ALOX5AP: variants seen among roughly 807,000 people sequenced by gnomAD.
ALOX5AP encodes arachidonate 5-lipoxygenase activating protein, also known as arachidonate 5-lipoxygenase-activating protein.
ALOX5AP carries 9 observed loss-of-function variants against 18.5 expected under a neutral mutation model. That is an observed-to-expected ratio of 0.49 (90% CI 0.29 to 0.85). ALOX5AP has a LOEUF of 0.85. ALOX5AP is among the 40% of genes least tolerant of loss of function. The pLI is 0.08. For synonymous variants in ALOX5AP, 81 were observed against 78.6 expected (o/e 1.03, Z -0.16); for missense variants, 172 against 202.5 (o/e 0.85, Z 0.91).
In ALOX5AP at chr13:30,763,947, C is replaced by T; in HGVS notation, c.327C>T (p.Thr109=). 6.2e-7 allele frequency: 1 copy of T among 1,613,444 alleles called. No individual in the cohort carries two copies. Among genetic ancestry groups the T allele is most frequent in the South Asian group, 1.1e-5 (1 of 90,882 alleles). ...TTTCTTTTTCCTTCTCTTCCAGCAC[C>T]CCTGGCTACATATTTGGGAAACGCA... The part of the protein sequence containing the change: ...VGYLGERTQS[T]PGYIFGKRII... Residue 109 remains threonine (T), a synonymous_variant, in exon 5 of 5, where the codon ACC becomes ACT. Transcript: ENST00000380490.
intron 2 of ALOX5AP, among the ~76,000 whole-genome samples, chr13:30,746,911 A>T (rs1313476804): frequency 6.6e-6 from 1 of 152,368 alleles, no homozygotes; most frequent in African/African-American, 2.4e-5. Context: ...GAAAAACAGC[A>T]TGAAGGATAA....
At chr13:30,760,758 A>T (rs1951934973) in intron 4 of ALOX5AP, among the ~76,000 whole-genome samples, 1 of 152,174 alleles carries the variant, frequency 6.6e-6, no homozygotes, top group African/African-American at 2.4e-5. Context: ...CCCCCATAGG[A>T]TGGCTGTGAG....
At chr13:30,734,062 G>A (rs886110035), upstream of ALOX5AP, among the ~76,000 whole-genome samples, 1 of 152,162 alleles carries the variant, frequency 6.6e-6, no homozygotes, top group Non-Finnish European at 1.5e-5. Context: ...GTGTCCATGA[G>A]CATGTGAACC....
chr13:30,753,587 A>AT (rs976203771), intron 3 of ALOX5AP, among the ~76,000 whole-genome samples: 32 of 152,198 alleles, frequency 2.1e-4, no homozygotes, highest in Admixed American at 1.1e-3. Context: ...AGACTGTAGA[A>AT]TTTTTTTTAG....
At chr13:30,741,168 G>A (rs976215650) in intron 1 of ALOX5AP, among the ~76,000 whole-genome samples, 29 of 116,084 alleles carry the variant, frequency 2.5e-4, no homozygotes, top group Non-Finnish European at 4.2e-4. Flanking sequence ...TGTCGCCCTG[G>A]CTGGAGTACA....
intron 1 of ALOX5AP, among the ~76,000 whole-genome samples, chr13:30,723,215 T>C (rs1951607750): frequency 6.6e-6 from 1 of 152,218 alleles, no homozygotes; most frequent in Non-Finnish European, 1.5e-5. Context: ...ATCCAACAAC[T>C]CATTGCTAAG....
chr13:30,719,080 G>A (rs745310349), intron 1 of ALOX5AP, among the ~76,000 whole-genome samples: 23 of 152,184 alleles, frequency 1.5e-4, no homozygotes, highest in Non-Finnish European at 3.1e-4. Context: ...CACTGACCGG[G>A]TCTGAGTCCT....
intron 1 of ALOX5AP, among the ~76,000 whole-genome samples, chr13:30,725,653 A>G (rs979996301): frequency 4.6e-5 from 7 of 152,230 alleles, no homozygotes; most frequent in Admixed American, 6.5e-5. Context: ...TCTTCCCTGG[A>G]ATAGACATTT....
chr13:30,725,398 C>G (rs990985621), intron 1 of ALOX5AP, among the ~76,000 whole-genome samples: 53 of 152,390 alleles, frequency 3.5e-4, no homozygotes, highest in African/African-American at 1.2e-3. Context: ...CAGCTAGTCT[C>G]TTTCCCCAGC....
chr13:30,749,458 G>A (rs1951834972), intron 2 of ALOX5AP, among the ~76,000 whole-genome samples: 1 of 152,140 alleles, frequency 6.6e-6, no homozygotes, highest in Admixed American at 6.5e-5. Context: ...TTTTCTCTAA[G>A]TTTCTTGAAC....
chr13:30,732,884 G>A (rs1016953424), upstream of ALOX5AP, among the ~76,000 whole-genome samples: 4 of 151,984 alleles, frequency 2.6e-5, no homozygotes, highest in African/African-American at 9.7e-5. Context: ...GGCCGGGCGC[G>A]GTGGCTCACG....
intron 1 of ALOX5AP, among the ~76,000 whole-genome samples, chr13:30,722,874 C>T (rs902300385): frequency 6.6e-6 from 1 of 152,218 alleles, no homozygotes; most frequent in Non-Finnish European, 1.5e-5. Flanking sequence ...ACCTTGTAAT[C>T]TCTACAAGCT....
At chr13:30,727,313 G>T (rs924789469) in intron 1 of ALOX5AP, among the ~76,000 whole-genome samples, 5 of 151,768 alleles carry the variant, frequency 3.3e-5, no homozygotes, top group Admixed American at 3.3e-4. Flanking sequence ...CAAAGTGCTA[G>T]GATTACAGGT....
intron 1 of ALOX5AP, among the ~76,000 whole-genome samples, chr13:30,740,733 C>T (rs192177779): frequency 2.6e-4 from 39 of 152,080 alleles, no homozygotes; most frequent in Admixed American, 2.6e-4. Context: ...GTGCGTGTTT[C>T]CAGGATAAAG....
In ALOX5AP at chr13:30,750,796, C is replaced by A. The variant is rs549517068; in HGVS notation, c.171-1256C>A. On this transcript the variant is annotated intron_variant, in intron 2 of 4. Coordinates refer to ENST00000380490, the MANE Select transcript of ALOX5AP (RefSeq NM_001629.4). Reference sequence around the variant, plus strand: ...ATCTGGGTAGGACCTGATGTAACCACAAGGGTCTTTTTAATGTGGAAGAAG... The same window carrying A: ...ATCTGGGTAGGACCTGATGTAACCAAAAGGGTCTTTTTAATGTGGAAGAAG... Among the ~76,000 whole-genome samples the A allele has an allele frequency of 2.0e-5, 3 of 152,210 alleles. No homozygotes were observed. The East Asian group carries it at 5.8e-4, about 29-fold the overall frequency.
At chr13:30,761,964 C>G (rs1393922135) in intron 4 of ALOX5AP, among the ~76,000 whole-genome samples, 1 of 152,226 alleles carries the variant, frequency 6.6e-6, no homozygotes, top group Non-Finnish European at 1.5e-5. Context: ...ACAACACCCT[C>G]TTTTGGGATG....
intron 4 of ALOX5AP, 150 bp from the exon 5 acceptor site, chr13:30,763,794 T>C: frequency 1.3e-6 from 1 of 758,426 alleles, no homozygotes; most frequent in Non-Finnish European, 2.2e-6. Flanking sequence ...CTTCTACCCT[T>C]CAAATGAAGT....
chr13:30,733,276 CTT>C (rs59150963), upstream of ALOX5AP, among the ~76,000 whole-genome samples: 4,198 of 152,154 alleles, frequency 0.028, 197 homozygotes, highest in African/African-American at 0.096. Context: ...TTTTTAGACT[CTT>C]TGAGTGAATA....
At chr13:30,723,269 G>T (rs1951608257) in intron 1 of ALOX5AP, among the ~76,000 whole-genome samples, 1 of 152,204 alleles carries the variant, frequency 6.6e-6, no homozygotes, top group South Asian at 2.1e-4. Flanking sequence ...ATGTGTTGAT[G>T]ATTTTTGTGA....
Sources: allele counts gnomAD v4.1 joint callset (sites outside exome capture counted in the v4.1 genomes callset), GRCh38; gene constraint gnomAD v4.1.1; transcripts MANE v1.5; gene names NCBI Gene and HGNC (gene_info 2026-07-23, HGNC 2026-07-21).